Variants in C8orf34 observed in about 807,000 individuals in gnomAD.
C8orf34 encodes chromosome 8 open reading frame 34, also known as uncharacterized protein C8orf34.
In C8orf34, 65 loss-of-function variants were observed where a neutral mutation model predicts 68.3. The ratio of observed to expected loss-of-function variants is 0.95; its 90% CI spans 0.78 to 1.17. The LOEUF (loss-of-function observed/expected upper bound fraction) is 1.17, where lower values mean the gene tolerates loss of function less well. Among genes scored for constraint, C8orf34 ranks in the 50% most tolerant of loss-of-function variants. The pLI, the probability that C8orf34 is intolerant of heterozygous loss-of-function variation, is 0.00. For synonymous variants in C8orf34, 244 were observed against 241.2 expected, an observed-to-expected ratio of 1.01 and a Z score of -0.11; for missense variants, 664 against 655.4, an observed-to-expected ratio of 1.01 and a Z score of -0.14.
At chr8:68,523,556 T>C (rs1037358593) in intron 6 of C8orf34, among the ~76,000 whole-genome samples, 3 of 152,182 alleles carry the variant, frequency 2.0e-5, no homozygotes, top group Admixed American at 1.3e-4. Context: ...GGTATTACAC[T>C]GTGACAAGAA....
intron 8 of C8orf34, among the ~76,000 whole-genome samples, chr8:68,658,995 A>G (rs1353325011): frequency 1.3e-5 from 2 of 152,030 alleles, no homozygotes; most frequent in East Asian, 3.9e-4. Flanking sequence ...TATTTTCTTC[A>G]TGTACTTTAC....
intron 10 of C8orf34, among the ~76,000 whole-genome samples, chr8:68,766,000 T>C (rs776136506): frequency 6.6e-6 from 1 of 152,170 alleles, no homozygotes; most frequent in East Asian, 1.9e-4. Flanking sequence ...GTGAAACTGG[T>C]TTTTTGGTTG....
chr8:68,759,358 A>G (rs527876882), intron 10 of C8orf34, among the ~76,000 whole-genome samples: 1 of 152,364 alleles, frequency 6.6e-6, no homozygotes, highest in Non-Finnish European at 1.5e-5. Flanking sequence ...AAACAACAGT[A>G]GAGGATCTAG....
chr8:68,667,101 T>C (rs1194629615), intron 8 of C8orf34, among the ~76,000 whole-genome samples: 1 of 151,732 alleles, frequency 6.6e-6, no homozygotes, highest in Non-Finnish European at 1.5e-5. Context: ...ATTTGATTAA[T>C]TTTTTTTGCA....
At chr8:68,817,883 A>C (rs1824865603) in intron 13 of C8orf34, among the ~76,000 whole-genome samples, 1 of 152,134 alleles carries the variant, frequency 6.6e-6, no homozygotes, top group Non-Finnish European at 1.5e-5. Context: ...AAACCATCAG[A>C]TCTTGTGAGA....
chr8:68,803,204 C>T (rs1172894486), intron 12 of C8orf34, among the ~76,000 whole-genome samples: 1 of 152,016 alleles, frequency 6.6e-6, no homozygotes, highest in Non-Finnish European at 1.5e-5. Context: ...GAAAGAAAAA[C>T]TTTTTGCCAA....
At chr8:68,568,191 G>A (rs1351678672) in intron 7 of C8orf34, among the ~76,000 whole-genome samples, 2 of 152,018 alleles carry the variant, frequency 1.3e-5, no homozygotes, top group Non-Finnish European at 2.9e-5. Flanking sequence ...ATCACTGATC[G>A]CAGATCAGCA....
At chr8:68,450,094 CACA>C (rs1429572702) in intron 3 of C8orf34, among the ~76,000 whole-genome samples, 1 of 152,126 alleles carries the variant, frequency 6.6e-6, no homozygotes, top group Non-Finnish European at 1.5e-5. Flanking sequence ...TAACAATATT[CACA>C]ACATCTTCAC....
intron 1 of C8orf34, among the ~76,000 whole-genome samples, chr8:68,429,169 T>C (rs371831028): frequency 2.6e-5 from 4 of 152,272 alleles, no homozygotes; most frequent in African/African-American, 7.2e-5. Flanking sequence ...ACAGATCTTA[T>C]ATCCAAAATA....
chr8:68,634,530 G>C (rs761976350), intron 7 of C8orf34, among the ~76,000 whole-genome samples: 1 of 151,906 alleles, frequency 6.6e-6, no homozygotes, highest in South Asian at 2.1e-4. Flanking sequence ...AATTTTCCTC[G>C]GTTTAGGCAT....
intron 1 of C8orf34, among the ~76,000 whole-genome samples, chr8:68,374,931 G>A (rs1212073610): frequency 6.6e-6 from 1 of 152,140 alleles, no homozygotes; most frequent in Non-Finnish European, 1.5e-5. Context: ...TTGTTGTGAA[G>A]ATTAAATAGG....
intron 1 of C8orf34, among the ~76,000 whole-genome samples, chr8:68,407,906 GACA>G (rs1295186286): frequency 1.3e-5 from 2 of 151,978 alleles, no homozygotes; most frequent in Non-Finnish European, 1.5e-5. Context: ...TATTTTTCAT[GACA>G]ACAAGTTCCT....
At chr8:68,732,307 A>G (rs7011624) in intron 10 of C8orf34, among the ~76,000 whole-genome samples, 32,485 of 152,136 alleles carry the variant, frequency 0.21, 4,033 homozygotes, top group African/African-American at 0.32. Flanking sequence ...CCACAAAATT[A>G]TTTCATCATA....
chr8:68,694,108 T>C (rs1820760437), intron 8 of C8orf34, among the ~76,000 whole-genome samples: 1 of 152,078 alleles, frequency 6.6e-6, no homozygotes, highest in Admixed American at 6.6e-5. Context: ...AGGATTTCTA[T>C]GGAATGTTTT....
At chr8:68,442,510 G>A (rs1810953288) in intron 2 of C8orf34, among the ~76,000 whole-genome samples, 2 of 152,100 alleles carry the variant, frequency 1.3e-5, no homozygotes, top group South Asian at 4.1e-4. Context: ...GTATTTGTGA[G>A]CAAACTGCAG....
At chr8:68,745,289 T>A (rs573858640) in intron 10 of C8orf34, among the ~76,000 whole-genome samples, 4 of 151,836 alleles carry the variant, frequency 2.6e-5, no homozygotes, top group Non-Finnish European at 5.9e-5. Context: ...CATGCCAAAA[T>A]GTAAAGACCA....
At chr8:68,445,950 C>T (rs758336162) in intron 2 of C8orf34, among the ~76,000 whole-genome samples, 22 of 152,126 alleles carry the variant, frequency 1.4e-4, no homozygotes, top group East Asian at 1.9e-4. Context: ...CCATCATGCC[C>T]GGCTAATTTT....
At chr8:68,555,169 C>T (rs1816213011) in intron 7 of C8orf34, among the ~76,000 whole-genome samples, 1 of 152,040 alleles carries the variant, frequency 6.6e-6, no homozygotes, top group Non-Finnish European at 1.5e-5. Flanking sequence ...GTAAAGAGAA[C>T]AAGCATTGGA....
intron 1 of C8orf34, among the ~76,000 whole-genome samples, chr8:68,338,037 T>G (rs1372701551): frequency 6.6e-6 from 1 of 152,216 alleles, no homozygotes; most frequent in African/African-American, 2.4e-5. Flanking sequence ...GTCAATGATG[T>G]GTTTTCTTAG....
Sources: allele counts gnomAD v4.1 joint callset (sites outside exome capture counted in the v4.1 genomes callset), GRCh38; gene constraint gnomAD v4.1.1; transcripts MANE v1.5; gene names NCBI Gene and HGNC (gene_info 2026-07-23, HGNC 2026-07-21).